The following PSMD11 variants were observed in gnomAD, a reference collection of about 807,000 sequenced individuals.
PSMD11 encodes the protein proteasome 26S subunit, non-ATPase 11.
A neutral mutation model predicts 62.3 loss-of-function variants in PSMD11; 5 were observed. The ratio of observed to expected loss-of-function variants is 0.08; its 90% CI spans 0.04 to 0.17. PSMD11 has a LOEUF of 0.17. Ranked by LOEUF, PSMD11 falls within the 10% of genes least tolerant of loss-of-function variation. PSMD11 has a pLI of 1.00. For missense variants in PSMD11, 310 were observed against 512.9 expected (o/e 0.60, Z 3.82); for synonymous variants, 191 against 191.8 (o/e 1.00, Z 0.03).
rs766669211 is a variant in PSMD11, at chr17:32,482,908, T to A, written c.*2156T>A. The A allele has an allele frequency of 2.0e-5, 3 of 152,226 alleles. No individual in the cohort carries two copies. Among genetic ancestry groups the A allele is most frequent in the Non-Finnish European group, 2.9e-5 (2 of 68,058 alleles). 9.4% of individuals were successfully genotyped at this position (152,226 alleles called of 1,614,324 possible). A position where few individuals can be genotyped will look rare whatever the true frequency, so the allele number is the denominator to read the frequency against. Reference sequence around the variant, plus strand: ...GTTCAGCCATTGTCAGTTTTAGTATTGTGTCTCTGTATTTCACTTGCAGAA... The same window carrying A: ...GTTCAGCCATTGTCAGTTTTAGTATAGTGTCTCTGTATTTCACTTGCAGAA... On this transcript the variant is annotated 3_prime_UTR_variant, in exon 14 of 14. Transcript: ENST00000261712.
rs1263928575 is a variant in PSMD11, at chr17:32,455,766, T to TA, written c.318+1150dup. ...AAAAAGTTAGATGGCTATTTTGAAT[T>TA]AAAGTGTCAGTTATTTTAATGAAAA... On this transcript the variant is annotated intron_variant, in intron 3 of 13. Transcript: ENST00000261712. 5.3e-5 allele frequency among the ~76,000 whole-genome samples: 8 copies of TA among 152,324 alleles called. No individual in the cohort carries two copies. In the East Asian group the frequency reaches 1.5e-3, roughly 29 times the overall value.
At chr17:32,448,472 AT>A (rs1417768510) in intron 2 of PSMD11, among the ~76,000 whole-genome samples, 1 of 151,694 alleles carries the variant, frequency 6.6e-6, no homozygotes, top group African/African-American at 2.4e-5. Context: ...GGTTCAAGCG[AT>A]TCTACTATCT....
intron 8 of PSMD11, among the ~76,000 whole-genome samples, chr17:32,475,286 T>C (rs1908283819): frequency 6.6e-6 from 1 of 152,128 alleles, no homozygotes; most frequent in African/African-American, 2.4e-5. Flanking sequence ...GATCAGTACC[T>C]TTCTACTCGT....
chr17:32,457,010 C>G (rs1253614949), intron 3 of PSMD11, among the ~76,000 whole-genome samples: 1 of 152,158 alleles, frequency 6.6e-6, no homozygotes, highest in Non-Finnish European at 1.5e-5. Flanking sequence ...TTGTGGAAAT[C>G]CATTCAAGTG....
intron 6 of PSMD11, among the ~76,000 whole-genome samples, chr17:32,472,862 A>T: frequency 7.2e-6 from 1 of 139,642 alleles, no homozygotes; most frequent in Admixed American, 7.1e-5. Context: ...TTTTTTTTTA[A>T]GAGACAAGGT....
intron 3 of PSMD11, among the ~76,000 whole-genome samples, chr17:32,459,390 G>A (rs1231406860): frequency 6.6e-6 from 1 of 151,366 alleles, no homozygotes; most frequent in Non-Finnish European, 1.5e-5. Context: ...GGCTAATTTT[G>A]TTTGTTTGTT....
In PSMD11 at chr17:32,480,808, G is replaced by A; in HGVS notation, c.*56G>A. 1.6e-6 allele frequency: 1 copy of A among 633,600 alleles called. No individual in the cohort carries two copies. The highest frequency in any genetic ancestry group is 2.5e-6 in the Non-Finnish European group (1 of 400,456). The allele number at this position is 633,600 out of a possible 1,614,324, so 39.2% of individuals were successfully genotyped here. The stretch of plus-strand genomic sequence containing the variant: ...GTGTGTGGCGGGAGAGTGAAACCTT[G>A]GGGGAAAATGCTAGGAGATTCTTTT... On this transcript the variant is annotated 3_prime_UTR_variant, in exon 14 of 14. Coordinates refer to ENST00000261712, the MANE Select transcript of PSMD11 (RefSeq NM_002815.4).
intron 6 of PSMD11, 31 bp from the exon 7 acceptor site, chr17:32,473,770 A>G (rs371571447): frequency 1.7e-4 from 268 of 1,608,880 alleles, no homozygotes; most frequent in South Asian, 2.5e-4. Flanking sequence ...ATTATTTTAT[A>G]TGTTCTTATT....
intron 5 of PSMD11, among the ~76,000 whole-genome samples, chr17:32,466,798 T>G (rs1280080504): frequency 6.6e-6 from 1 of 152,218 alleles, no homozygotes; most frequent in Non-Finnish European, 1.5e-5. Context: ...TTCCATATCC[T>G]TACCAACACT....
At chr17:32,448,918 A>G (rs1380926856) in intron 2 of PSMD11, among the ~76,000 whole-genome samples, 1 of 152,142 alleles carries the variant, frequency 6.6e-6, no homozygotes, top group East Asian at 1.9e-4. Flanking sequence ...TACTTAAATG[A>G]ATTATCATTG....
chr17:32,457,528 G>T (rs1223170899), intron 3 of PSMD11, among the ~76,000 whole-genome samples: 1 of 152,082 alleles, frequency 6.6e-6, no homozygotes, highest in Non-Finnish European at 1.5e-5. Context: ...GCAGCACTAC[G>T]CCCGGCTAAG....
At chr17:32,451,861 G>A (rs1907511117) in intron 2 of PSMD11, among the ~76,000 whole-genome samples, 1 of 151,902 alleles carries the variant, frequency 6.6e-6, no homozygotes, top group South Asian at 2.1e-4. Flanking sequence ...GCCTCAGCCC[G>A]CCAAGTAACT....
At chr17:32,479,805 A>C (rs752383401) in intron 10 of PSMD11, 46 bp from the exon 11 acceptor site, 1 of 1,595,962 alleles carries the variant, frequency 6.3e-7, no homozygotes. Context: ...TATTGGAGGC[A>C]AAAGTAAAAC....
intron 8 of PSMD11, 45 bp downstream of exon 8, chr17:32,474,869 A>G (rs766789196): frequency 1.3e-6 from 2 of 1,541,648 alleles, no homozygotes; most frequent in African/African-American, 1.4e-5. Context: ...TGAGACCAGC[A>G]TGTTTTCAGA....
chr17:32,456,354 C>A (rs889419924), intron 3 of PSMD11, among the ~76,000 whole-genome samples: 3 of 151,926 alleles, frequency 2.0e-5, no homozygotes, highest in African/African-American at 7.3e-5. Flanking sequence ...CTAGAGCTCA[C>A]TCAGCGGATA....
chr17:32,480,599 T>A lies in PSMD11; in HGVS notation c.1237T>A (p.Ser413Thr), dbSNP rs748463660. ...TCAGAACATGAGCAAAGTAGTGGAT[T>A]CCCTCTACAACAAAGCCAAGAAACT... is the stretch of plus-strand genomic sequence containing the variant. Reference protein sequence around the residue: ...TIQNMSKVVDSLYNKAKKLT With the variant: ...TIQNMSKVVDTLYNKAKKLT Residue 413 changes from serine to threonine, a missense_variant, in exon 13 of 14, where the codon TCC becomes ACC. Around this residue, in one of 6 missense-constraint regions of PSMD11, gnomAD observed 135 missense variants for 195.4 expected, o/e 0.69. Transcript: ENST00000261712. 1 of 1,614,104 alleles carries A rather than the reference T, an allele frequency of 6.2e-7. No individual in the cohort carries two copies. The highest frequency in any genetic ancestry group is 8.5e-7 in the Non-Finnish European group (1 of 1,179,998).
rs755721626 is a variant in PSMD11 at position 32,465,999 on chromosome 17, C to CT, written c.448+1431dup. Among the ~76,000 whole-genome samples, 116 of 148,690 alleles carry CT rather than the reference C, an allele frequency of 7.8e-4. 2 individuals are homozygous for CT. In the East Asian group the frequency reaches 0.015, roughly 19 times the overall value. ...CCAAAAAAAGAAAAAAATTTCAGAA[C>CT]TTTTTTTTTTCTTTGAGATGGAGTC... On this transcript the variant is annotated intron_variant, in intron 5 of 13. Coordinates refer to ENST00000261712, the MANE Select transcript of PSMD11 (RefSeq NM_002815.4).
Position 32,446,940 on chromosome 17 carries a change from C to T in PSMD11, c.92-5C>T, listed in dbSNP as rs970637638. On this transcript the variant is annotated splice_polypyrimidine_tract_variant and splice_region_variant and intron_variant, in intron 1 of 13. Coordinates refer to ENST00000261712, the MANE Select transcript of PSMD11 (RefSeq NM_002815.4). The stretch of plus-strand genomic sequence containing the variant: ...TTTAAGAGGGTTTGCATTTTCCTCT[C>T]CCAGTGAAGCGTGACATTCAGGAAA... 1 of 1,603,544 alleles carries T rather than the reference C, an allele frequency of 6.2e-7. No homozygotes were observed. The highest frequency in any genetic ancestry group is 1.7e-5 in the Admixed American group (1 of 58,870).
chr17:32,452,901 A>G (rs1176490111), intron 2 of PSMD11, among the ~76,000 whole-genome samples: 4 of 152,250 alleles, frequency 2.6e-5, no homozygotes, highest in Admixed American at 2.6e-4. Context: ...CCTAGAAACA[A>G]GGACTTCGGA....
Sources: allele counts gnomAD v4.1 joint callset (sites outside exome capture counted in the v4.1 genomes callset), GRCh38; gene constraint gnomAD v4.1.1; regional missense constraint gnomAD v4.1.1; transcripts MANE v1.5; gene names NCBI Gene and HGNC (gene_info 2026-07-23, HGNC 2026-07-21).